Variants in NEXMIF observed in about 807,000 individuals in gnomAD.
NEXMIF encodes neurite extension and migration factor.
NEXMIF carries 8 observed loss-of-function variants against 62.1 expected under a neutral mutation model. The ratio of observed to expected loss-of-function variants is 0.13; its 90% confidence interval spans 0.08 to 0.23. NEXMIF has a LOEUF of 0.23. Among genes scored for constraint, NEXMIF ranks in the 10% least tolerant of loss-of-function variants. NEXMIF has a pLI of 1.00. For synonymous variants in NEXMIF, 404 were observed against 416.6 expected (o/e 0.97, Z 0.37); for missense variants, 976 against 1,113.3 (o/e 0.88, Z 1.75).
Position 74,766,102 on chromosome X carries a change from T to C in NEXMIF, c.-47-20405A>G, listed in dbSNP as rs2080194269. ...AATCTCTTCTGGCTTGTAGGGTTTC[T>C]GCTATTAGCCTGATGAAGCCCCCTT... On this transcript the variant is annotated intron_variant, in intron 1 of 3. Transcript: ENST00000055682. 2.7e-5 allele frequency among the ~76,000 whole-genome samples: 3 copies of C among 109,903 alleles called. No individual in the cohort carries two copies. In the Admixed American group the frequency reaches 2.9e-4, roughly 11 times the overall value.
At chrX:74,877,683 CT>C (rs1292179407) in intron 1 of NEXMIF, among the ~76,000 whole-genome samples, 3 of 111,080 alleles carry the variant, frequency 2.7e-5, no homozygotes, top group Non-Finnish European at 5.7e-5. Flanking sequence ...GGAGGCTTTG[CT>C]CGTTTCTTTT....
intron 1 of NEXMIF, among the ~76,000 whole-genome samples, chrX:74,757,413 C>T (rs2080162703): frequency 8.9e-6 from 1 of 111,969 alleles, no homozygotes; most frequent in Non-Finnish European, 1.9e-5. Context: ...ATCAGTGATC[C>T]AAGAAAGGCT....
At chrX:74,766,494 T>G (rs1426647359) in intron 1 of NEXMIF, among the ~76,000 whole-genome samples, 1 of 112,041 alleles carries the variant, frequency 8.9e-6, no homozygotes, top group African/African-American at 3.2e-5. Context: ...AGTTCTGAGA[T>G]TCTTTCCTCA....
At chrX:74,784,446 G>T (rs1424317772) in intron 1 of NEXMIF, among the ~76,000 whole-genome samples, 2 of 111,254 alleles carry the variant, frequency 1.8e-5, no homozygotes, top group Non-Finnish European at 3.8e-5. Context: ...CAGTGGGATT[G>T]TTTACAGCTT....
intron 1 of NEXMIF, among the ~76,000 whole-genome samples, chrX:74,847,087 T>C (rs1035225946): frequency 4.4e-5 from 5 of 112,563 alleles, no homozygotes; most frequent in African/African-American, 1.6e-4. Flanking sequence ...GTGAAGGGTT[T>C]GTTTTCTGAA....
chrX:74,883,945 C>G (rs942981887), intron 1 of NEXMIF, among the ~76,000 whole-genome samples: 4 of 112,368 alleles, frequency 3.6e-5, no homozygotes, highest in Non-Finnish European at 7.5e-5. Context: ...AACAGCGGAT[C>G]TCTCTGCAGA....
rs2147436103 is a variant in NEXMIF, at chrX:74,734,773, T to C, written c.*4632A>G. ...AAACCAAGAGTACATCTCAAGTATG[T>C]AGCTGCAATGGGAGCTCTGCTTCAC... On this transcript the variant is annotated 3_prime_UTR_variant, in exon 4 of 4. Transcript: ENST00000055682. 1 of 112,324 alleles carries C rather than the reference T, an allele frequency of 8.9e-6. No individual in the cohort carries two copies. Among genetic ancestry groups the C allele is most frequent in the Admixed American group, 9.5e-5 (1 of 10,504 alleles). The allele number at this position is 112,324 out of a possible 1,213,427, so 9.3% of individuals were successfully genotyped here. A position where few individuals can be genotyped will look rare whatever the true frequency, so the allele number is the denominator to read the frequency against.
intron 1 of NEXMIF, among the ~76,000 whole-genome samples, chrX:74,865,494 C>A (rs1056723711): frequency 2.1e-4 from 23 of 112,026 alleles, no homozygotes; most frequent in African/African-American, 7.1e-4. Context: ...CCAAGAAAAA[C>A]CCATTTTCTG....
intron 1 of NEXMIF, among the ~76,000 whole-genome samples, chrX:74,808,143 C>T (rs191714910): frequency 0.01 from 1,155 of 111,395 alleles, 17 homozygotes; most frequent in African/African-American, 0.035. Context: ...GTGGCTCATA[C>T]CTGTAATCCC....
At chrX:74,753,738 C>G (rs2080150966) in intron 1 of NEXMIF, among the ~76,000 whole-genome samples, 1 of 109,127 alleles carries the variant, frequency 9.2e-6, no homozygotes, top group Non-Finnish European at 1.9e-5. Context: ...CACACACACA[C>G]AGGACATTCA....
At chrX:74,877,391 G>GT (rs1450203873) in intron 1 of NEXMIF, among the ~76,000 whole-genome samples, 8 of 111,638 alleles carry the variant, frequency 7.2e-5, no homozygotes, top group African/African-American at 2.3e-4. Context: ...CCCTTTGAGA[G>GT]TAACCGACCT....
At chrX:74,747,356 T>C (rs1458943119) in intron 1 of NEXMIF, among the ~76,000 whole-genome samples, 1 of 111,313 alleles carries the variant, frequency 9.0e-6, no homozygotes, top group African/African-American at 3.3e-5. Flanking sequence ...AACAACACAA[T>C]GAGAGATCTA....
At chrX:74,789,660 T>C (rs868094316) in intron 1 of NEXMIF, among the ~76,000 whole-genome samples, 8,711 of 109,576 alleles carry the variant, frequency 0.079, 325 homozygotes, top group Admixed American at 0.12. Flanking sequence ...TTTTAATGAT[T>C]GCCATTCTAA....
At chrX:74,878,418 G>A (rs191081590) in intron 1 of NEXMIF, among the ~76,000 whole-genome samples, 7 of 112,356 alleles carry the variant, frequency 6.2e-5, no homozygotes, top group East Asian at 2.8e-4. Context: ...CATTTAAGTC[G>A]GCAGAGGTTA....
chrX:74,814,253 C>T (rs2080369140), intron 1 of NEXMIF, among the ~76,000 whole-genome samples: 1 of 111,630 alleles, frequency 9.0e-6, no homozygotes, highest in Non-Finnish European at 1.9e-5. Context: ...CAAGAACAGG[C>T]CATGAATCAG....
intron 1 of NEXMIF, among the ~76,000 whole-genome samples, chrX:74,886,057 A>T (rs2080691419): frequency 8.9e-6 from 1 of 112,257 alleles, no homozygotes; most frequent in South Asian, 3.7e-4. Context: ...CCACATGGTT[A>T]TCTCAATAGA....
intron 1 of NEXMIF, among the ~76,000 whole-genome samples, chrX:74,914,596 A>G (rs1344079883): frequency 1.8e-5 from 2 of 111,751 alleles, no homozygotes; most frequent in African/African-American, 6.5e-5. Flanking sequence ...TAGGAGAACT[A>G]CTTGAACCTG....
intron 1 of NEXMIF, among the ~76,000 whole-genome samples, chrX:74,907,167 G>C (rs1469197933): frequency 1.8e-5 from 2 of 111,793 alleles, no homozygotes; most frequent in Admixed American, 9.5e-5. Flanking sequence ...CAATACACCA[G>C]GAAAACAGCT....
In NEXMIF at chrX:74,740,946, T is replaced by A; in HGVS notation, c.3611A>T (p.Asn1204Ile). ...KNTRKKSLKG[N>I]NKGIEKPPGK... ...AGGTGGTTTTTCAATCCCCTTGTTGTTACCTTTGAGGGATTTTTTCCTGGT... is the reference window on the plus strand; with the variant it reads ...AGGTGGTTTTTCAATCCCCTTGTTGATACCTTTGAGGGATTTTTTCCTGGT... Residue 1204 changes from asparagine to isoleucine, a missense_variant, in exon 3 of 4, where the codon AAC (asparagine) becomes ATC (isoleucine). Asn to Ile is a moderately radical substitution (Grantham distance 149). This residue lies in a region of NEXMIF where 639 missense variants were observed against 694.5 expected (regional missense o/e 0.92). Coordinates refer to ENST00000055682, the MANE Select transcript of NEXMIF (RefSeq NM_001008537.3). The A allele has an allele frequency of 8.3e-7, 1 of 1,212,060 alleles. No homozygotes were observed. The highest frequency in any genetic ancestry group is 1.7e-5 in the African/African-American group (1 of 57,883).
Sources: allele counts gnomAD v4.1 joint callset (sites outside exome capture counted in the v4.1 genomes callset), GRCh38; gene constraint gnomAD v4.1.1; regional missense constraint gnomAD v4.1.1; transcripts MANE v1.5; gene names NCBI Gene and HGNC (gene_info 2026-07-23, HGNC 2026-07-21).